The following LUZP2 variants were observed in gnomAD, a reference collection of about 807,000 sequenced individuals.
The protein encoded by LUZP2 is leucine zipper protein 2.
LUZP2 carries 52 observed loss-of-function variants against 51.6 expected under a neutral mutation model. That is an observed-to-expected ratio of 1.01 (90% CI 0.81 to 1.27). LUZP2 has a LOEUF of 1.27. Ranked by LOEUF, LUZP2 falls within the 50% of genes most tolerant of loss-of-function variation. The probability of loss-of-function intolerance (pLI) is 0.00; values close to 1 mark genes in which losing one functional copy is unlikely to be tolerated. For missense variants in LUZP2, 436 were observed against 395.4 expected, an observed-to-expected ratio of 1.10 and a Z score of -0.87; for synonymous variants, 154 against 137.3, an observed-to-expected ratio of 1.12 and a Z score of -0.85.
intron 1 of LUZP2, among the ~76,000 whole-genome samples, chr11:24,524,062 T>G (rs1036444403): frequency 6.6e-6 from 1 of 151,790 alleles, no homozygotes; most frequent in Admixed American, 6.6e-5. Context: ...ATGCTTGATA[T>G]GGAATAAGAG....
chr11:24,602,307 T>TGC (rs1306557517), intron 1 of LUZP2, among the ~76,000 whole-genome samples: 4 of 146,836 alleles, frequency 2.7e-5, no homozygotes, highest in South Asian at 2.1e-4. Flanking sequence ...CATACATATA[T>TGC]ACACACATAT....
chr11:24,592,982 G>A (rs1177030265), intron 1 of LUZP2, among the ~76,000 whole-genome samples: 1 of 152,108 alleles, frequency 6.6e-6, no homozygotes, highest in African/African-American at 2.4e-5. Flanking sequence ...CCCCTGAAGG[G>A]ACACAAAATG....
intron 5 of LUZP2, among the ~76,000 whole-genome samples, chr11:24,872,250 C>T (rs1268746910): frequency 6.6e-6 from 1 of 152,036 alleles, no homozygotes; most frequent in Admixed American, 6.6e-5. Flanking sequence ...CCTTATATAC[C>T]AGTGCTAGTC....
At chr11:24,832,877 A>G (rs890807976) in intron 5 of LUZP2, among the ~76,000 whole-genome samples, 1 of 151,642 alleles carries the variant, frequency 6.6e-6, no homozygotes, top group Non-Finnish European at 1.5e-5. Flanking sequence ...TAAAATGGAT[A>G]CTTTTTTACT....
chr11:24,935,231 C>T lies in LUZP2; in HGVS notation c.522+20693C>T, dbSNP rs955924377. On this transcript the variant is annotated intron_variant, in intron 7 of 11. Coordinates refer to ENST00000336930, the MANE Select transcript of LUZP2 (RefSeq NM_001009909.4). ...CAAGCTGCCCTCACAGTGAGAGGGG[C>T]CCTTAACTTTATGCTAAGTAGAGTT... is the stretch of plus-strand genomic sequence containing the variant. Among the ~76,000 whole-genome samples, 13 of 152,092 alleles carry T rather than the reference C, an allele frequency of 8.5e-5. 1 individual carries two copies. The East Asian group carries it at 2.5e-3, about 29-fold the overall frequency.
intron 1 of LUZP2, among the ~76,000 whole-genome samples, chr11:24,589,868 A>T (rs925515889): frequency 2.0e-5 from 3 of 152,124 alleles, no homozygotes; most frequent in African/African-American, 7.2e-5. Flanking sequence ...GAACATTTTC[A>T]GTTCTAACAC....
At position 24,688,454 on chromosome 11, in the gene LUZP2, A is replaced by T. The variant is rs533704539; in HGVS notation, c.63-40715A>T. On this transcript the variant is annotated intron_variant, in intron 1 of 11. Coordinates refer to ENST00000336930, the MANE Select transcript of LUZP2 (RefSeq NM_001009909.4). ...TTATTTATTCTGTGCCTCTCCTGAA[A>T]GTCTGATAATTGGAGTTCAAGTAGA... Among the ~76,000 whole-genome samples the T allele has an allele frequency of 3.9e-5, 6 of 152,212 alleles. No homozygotes were observed. In the East Asian group the frequency reaches 1.2e-3, roughly 29 times the overall value.
At chr11:24,592,568 AC>A (rs1362895773) in intron 1 of LUZP2, among the ~76,000 whole-genome samples, 9 of 152,252 alleles carry the variant, frequency 5.9e-5, no homozygotes, top group Non-Finnish European at 1.3e-4. Context: ...TAACTGGAAG[AC>A]TTTCCTCAGC....
chr11:24,547,581 G>A (rs1306491394), intron 1 of LUZP2, among the ~76,000 whole-genome samples: 1 of 151,992 alleles, frequency 6.6e-6, no homozygotes, highest in East Asian at 1.9e-4. Flanking sequence ...CTTAAGGTGA[G>A]TTAAAGACTT....
At chr11:24,779,773 A>C (rs1390025877) in intron 5 of LUZP2, among the ~76,000 whole-genome samples, 1 of 152,208 alleles carries the variant, frequency 6.6e-6, no homozygotes, top group Non-Finnish European at 1.5e-5. Flanking sequence ...GGATAATTTC[A>C]GTAGACCCTA....
intron 9 of LUZP2, among the ~76,000 whole-genome samples, chr11:25,031,015 A>ATATATATTT (rs1406897346): frequency 4.2e-4 from 5 of 11,878 alleles, no homozygotes; most frequent in African/African-American, 1.5e-3. Flanking sequence ...ATATATATAT[A>ATATATATTT]TTTTTTTTTT....
intron 9 of LUZP2, among the ~76,000 whole-genome samples, chr11:25,022,568 T>G (rs1439224643): frequency 1.3e-5 from 2 of 152,072 alleles, no homozygotes; most frequent in Non-Finnish European, 2.9e-5. Context: ...CAAAAAAATC[T>G]GTAATTTAGT....
At chr11:24,546,899 G>T (rs891962624) in intron 1 of LUZP2, among the ~76,000 whole-genome samples, 1 of 151,640 alleles carries the variant, frequency 6.6e-6, no homozygotes, top group Non-Finnish European at 1.5e-5. Context: ...GAATCTATCT[G>T]GTCCTGTTTT....
intron 7 of LUZP2, among the ~76,000 whole-genome samples, chr11:24,936,140 C>T (rs887629909): frequency 4.6e-5 from 7 of 152,070 alleles, no homozygotes; most frequent in Non-Finnish European, 8.8e-5. Flanking sequence ...ACAATAGACA[C>T]AGTTCAGAAC....
intron 5 of LUZP2, among the ~76,000 whole-genome samples, chr11:24,782,661 C>T (rs114521835): frequency 1.3e-3 from 195 of 152,034 alleles, no homozygotes; most frequent in African/African-American, 4.5e-3. Flanking sequence ...CTATCACCAC[C>T]ATCACTACCC....
intron 7 of LUZP2, among the ~76,000 whole-genome samples, chr11:24,926,501 A>ATGTGTGTGTATATATATGTGTATATATG (rs1565120171): frequency 7.4e-6 from 1 of 135,644 alleles, no homozygotes; most frequent in African/African-American, 2.8e-5. Flanking sequence ...ATGTGTATAT[A>ATGTGTGTGTATATATATGTGTATATATG]TGTGTGTGTA....
intron 5 of LUZP2, among the ~76,000 whole-genome samples, chr11:24,783,348 AT>A (rs955874462): frequency 1.5e-4 from 23 of 148,788 alleles, no homozygotes; most frequent in Admixed American, 1.0e-3. Context: ...ATTACACTTC[AT>A]TTTTTTTTTC....
At chr11:24,665,227 T>C (rs1219567009) in intron 1 of LUZP2, among the ~76,000 whole-genome samples, 1 of 152,200 alleles carries the variant, frequency 6.6e-6, no homozygotes, top group East Asian at 1.9e-4. Flanking sequence ...TGGACTTGCA[T>C]GGAGCCTGTA....
chr11:24,542,233 C>G (rs1467003106), intron 1 of LUZP2, among the ~76,000 whole-genome samples: 1 of 151,808 alleles, frequency 6.6e-6, no homozygotes, highest in Non-Finnish European at 1.5e-5. Flanking sequence ...CTATCCTCAC[C>G]CCCCCATACA....
Sources: gnomAD v4.1 joint callset for allele counts (sites outside exome capture counted in the v4.1 genomes callset) on GRCh38, gnomAD v4.1.1 for gene constraint, MANE v1.5 for transcripts, NCBI Gene and HGNC (gene_info 2026-07-23, HGNC 2026-07-21) for gene names.